FOXN4: variants seen among roughly 807,000 people sequenced by gnomAD.
FOXN4 encodes forkhead box N4.
FOXN4 carries 12 observed loss-of-function variants against 45.0 expected under a neutral mutation model. That is an observed-to-expected ratio of 0.27 (90% CI 0.17 to 0.43). The LOEUF (loss-of-function observed/expected upper bound fraction) is 0.43. FOXN4 is among the 20% of genes least tolerant of loss of function. FOXN4 has a pLI of 1.00. For synonymous variants in FOXN4, 297 were observed against 295.0 expected, an observed-to-expected ratio of 1.01 and a Z score of -0.07; for missense variants, 560 against 694.9, an observed-to-expected ratio of 0.81 and a Z score of 2.18.
chr12:109,298,328 C>T (rs2047836371), intron 2 of FOXN4, among the ~76,000 whole-genome samples: 1 of 136,634 alleles, frequency 7.3e-6, no homozygotes, highest in African/African-American at 2.9e-5. Flanking sequence ...CCTTTTGTTT[C>T]AGGTTTTTTT....
In FOXN4 at chr12:109,281,555, C is replaced by T. The variant is rs138952203; in HGVS notation, c.1146G>A (p.Pro382=). ...TGAGGTCCGGCAGGGCGTGCAGTGG[C>T]GGGGTCTGGGCTGGTGCTGGAGAGT... The part of the protein sequence containing the change: ...APDSPAPAQT[P]PLHALPDLSP... The change falls in exon 9 of 10, where the codon CCG becomes CCA. Residue 382 remains proline (P), a synonymous_variant. Coordinates refer to ENST00000299162, the MANE Select transcript of FOXN4 (RefSeq NM_213596.3). 717 of 1,610,438 alleles carry T rather than the reference C, an allele frequency of 4.5e-4. 3 individuals are homozygous for T. Among genetic ancestry groups the T allele is most frequent in the South Asian group, 2.1e-3 (188 of 90,660 alleles).
rs1389711709 is a variant in FOXN4, at chr12:109,290,168, C to T, written c.205G>A (p.Gly69Ser). 6.4e-7 allele frequency: 1 copy of T among 1,550,808 alleles called. No homozygotes were observed. The highest frequency in any genetic ancestry group is 8.7e-7 in the Non-Finnish European group (1 of 1,146,598). The change falls in exon 3 of 10, where the codon GGC (glycine) becomes AGC (serine). Residue 69 changes from glycine (G) to serine (S), a missense_variant. Around this residue, in one of 5 missense-constraint regions of FOXN4, gnomAD observed 142 missense variants for 185.7 expected, o/e 0.76. Coordinates refer to ENST00000299162, the MANE Select transcript of FOXN4 (RefSeq NM_213596.3). This position sits in a 1 kb window ranked among gnomAD's most constrained non-coding sequence, Gnocchi z 5.1. ...QMASGRVDLG[G>S]PCVPHPHPGA... ...GGGTGTGGATGTGGCACGCAGGGGC[C>T]ACCCAGGTCCACGCGGCCACTTGCC...
At position 109,291,994 on chromosome 12, in the gene FOXN4, G is replaced by A. The variant is rs892888950; in HGVS notation, c.87-1708C>T. Among the ~76,000 whole-genome samples the A allele has an allele frequency of 2.0e-5, 3 of 152,152 alleles. No homozygotes were observed. Among genetic ancestry groups the A allele is most frequent in the Non-Finnish European group, 4.4e-5 (3 of 68,018 alleles). ...GCCTGCTCGTAACTCATCTGGCCAAGTGACAGCCACGGCCCCGGGCCTGGG... is the reference window on the plus strand; with the variant it reads ...GCCTGCTCGTAACTCATCTGGCCAAATGACAGCCACGGCCCCGGGCCTGGG... On this transcript the variant is annotated intron_variant, in intron 2 of 9. Transcript: ENST00000299162. This position sits in a 1 kb window ranked among gnomAD's most constrained non-coding sequence, Gnocchi z 6.6.
At chr12:109,296,303 C>T (rs1325148938) in intron 2 of FOXN4, among the ~76,000 whole-genome samples, 1 of 152,234 alleles carries the variant, frequency 6.6e-6, no homozygotes, top group Non-Finnish European at 1.5e-5. Context: ...CCCCCGTGCT[C>T]TCACTCAGGT....
intron 3 of FOXN4, among the ~76,000 whole-genome samples, chr12:109,289,166 C>G (rs2047743114): frequency 6.6e-6 from 1 of 152,178 alleles, no homozygotes; most frequent in Admixed American, 6.5e-5. Context: ...ATGTGGAAAC[C>G]AGTCAGGGCA....
At chr12:109,303,342 T>C (rs1219752198) in intron 2 of FOXN4, among the ~76,000 whole-genome samples, 2 of 152,216 alleles carry the variant, frequency 1.3e-5, no homozygotes. Flanking sequence ...AGCCACCTGA[T>C]ATGGGTTAAA....
intron 3 of FOXN4, among the ~76,000 whole-genome samples, chr12:109,289,642 C>T (rs997305623): frequency 6.6e-6 from 1 of 152,176 alleles, no homozygotes; most frequent in Non-Finnish European, 1.5e-5. Context: ...CGACTGTGTG[C>T]CAGCCCCTAC....
chr12:109,279,565 G>A lies in FOXN4; in HGVS notation c.*106C>T, dbSNP rs1303015229. On this transcript the variant is annotated 3_prime_UTR_variant, in exon 10 of 10. Coordinates refer to ENST00000299162, the MANE Select transcript of FOXN4 (RefSeq NM_213596.3). Reference sequence around the variant, plus strand: ...CGGCAACTTCGCCACAGGTCCAGGAGAGGCTTCGGGGACAATGAGGGACCT... The same window carrying A: ...CGGCAACTTCGCCACAGGTCCAGGAAAGGCTTCGGGGACAATGAGGGACCT... 2.0e-6 allele frequency: 3 copies of A among 1,489,194 alleles called. No homozygotes were observed. The highest frequency in any genetic ancestry group is 1.8e-6 in the Non-Finnish European group (2 of 1,111,190). 92.2% of individuals were successfully genotyped at this position (1,489,194 alleles called of 1,614,324 possible).
chr12:109,285,188 C>T (rs1361202918), intron 8 of FOXN4, 116 bp downstream of exon 8: 5 of 1,266,620 alleles, frequency 3.9e-6, no homozygotes, highest in African/African-American at 3.1e-5. Flanking sequence ...GCGTATGCAT[C>T]GGCTTCACCA....
At chr12:109,280,636 G>A (rs1166109035) in intron 9 of FOXN4, among the ~76,000 whole-genome samples, 2 of 152,160 alleles carry the variant, frequency 1.3e-5, no homozygotes, top group Non-Finnish European at 2.9e-5. Context: ...AAAGAGGCAG[G>A]GAGGTGCAAA....
chr12:109,279,614 A>G lies in FOXN4; in HGVS notation c.*57T>C, dbSNP rs2047632821. 4 of 1,551,218 alleles carry G rather than the reference A, an allele frequency of 2.6e-6. No individual in the cohort carries two copies. The highest frequency in any genetic ancestry group is 2.6e-6 in the Non-Finnish European group (3 of 1,147,196). On this transcript the variant is annotated 3_prime_UTR_variant, in exon 10 of 10. Coordinates refer to ENST00000299162, the MANE Select transcript of FOXN4 (RefSeq NM_213596.3). Reference sequence around the variant, plus strand: ...CTGCCTTCTGGGAACACCCTGTTCTAGTCAGTTCTCTGCCCAAGCCGGGTG... The same window carrying G: ...CTGCCTTCTGGGAACACCCTGTTCTGGTCAGTTCTCTGCCCAAGCCGGGTG...
At chr12:109,298,004 T>C (rs1183501513) in intron 2 of FOXN4, among the ~76,000 whole-genome samples, 2 of 152,122 alleles carry the variant, frequency 1.3e-5, no homozygotes, top group African/African-American at 4.8e-5. Context: ...TTTTCCATCT[T>C]GATGGAAAAA....
chr12:109,308,266 T>C lies in FOXN4; in HGVS notation c.56A>G (p.Gln19Arg). ...TTCCTGTGGAGAGGGGTGGTGATTT[T>C]GCCCTGAGTTTCGAATAATTCCTGA... is the stretch of plus-strand genomic sequence containing the variant. ...IMSGIIRNSG[Q>R]NHHPSPQEYR... is the part of the protein sequence containing the mutation. Residue 19 changes from glutamine (Q) to arginine (R), a missense_variant, in exon 2 of 10, where the codon CAA (glutamine) becomes CGA (arginine). Around this residue, in one of 5 missense-constraint regions of FOXN4, gnomAD observed 142 missense variants for 185.7 expected, o/e 0.76. Transcript: ENST00000299162. 6.4e-7 allele frequency: 1 copy of C among 1,552,124 alleles called. No individual in the cohort carries two copies. Among genetic ancestry groups the C allele is most frequent in the Non-Finnish European group, 8.7e-7 (1 of 1,147,028 alleles).
intron 2 of FOXN4, among the ~76,000 whole-genome samples, chr12:109,297,141 A>G (rs2047825098): frequency 6.6e-6 from 1 of 152,214 alleles, no homozygotes; most frequent in Non-Finnish European, 1.5e-5. Context: ...ACAGAGGTCA[A>G]CAACCTCCAG....
intron 7 of FOXN4, among the ~76,000 whole-genome samples, chr12:109,285,950 C>T (rs1259443115): frequency 1.3e-5 from 2 of 151,276 alleles, no homozygotes; most frequent in African/African-American, 2.4e-5. Context: ...ACTGCAACCT[C>T]AACCTCCTGG....
intron 2 of FOXN4, among the ~76,000 whole-genome samples, chr12:109,298,705 G>C (rs1475915353): frequency 2.0e-5 from 3 of 152,126 alleles, no homozygotes; most frequent in African/African-American, 4.8e-5. Context: ...ACATTTGTGG[G>C]AGAAACCTGC....
Position 109,288,158 on chromosome 12 carries a change from G to A in FOXN4, c.255C>T (p.Asp85=). ...GACTTGGAGTGGCTCCCACATGCAG[G>A]TCGGCCACCCCAGCCAAGGCACCTG... ...PHPGALAGVA[D]LHVGATPSPL... The change falls in exon 4 of 10, where the codon GAC becomes GAT. Residue 85 remains aspartate (D), a synonymous_variant. Coordinates refer to ENST00000299162, the MANE Select transcript of FOXN4 (RefSeq NM_213596.3). The surrounding 1 kb of genome is among the most constrained non-coding windows in gnomAD (Gnocchi z 4.3). 2 of 1,547,490 alleles carry A rather than the reference G, an allele frequency of 1.3e-6. No homozygotes were observed. The highest frequency in any genetic ancestry group is 1.2e-5 in the South Asian group (1 of 83,706).
Position 109,281,620 on chromosome 12 carries a change from G to T in FOXN4, c.1081C>A (p.Leu361Met). The change falls in exon 9 of 10, where the codon CTG becomes ATG. Residue 361 changes from leucine (L) to methionine (M), a missense_variant. Coordinates refer to ENST00000299162, the MANE Select transcript of FOXN4 (RefSeq NM_213596.3). Reference protein sequence around the residue: ...LMTLSLQSVPLHHQVQPQAHL... With the variant: ...LMTLSLQSVPMHHQVQPQAHL... Reference sequence around the variant, plus strand: ...GCCTGGGGCTGGACCTGGTGGTGCAGGGGGACTGACTGCAGGGACAGGGTC... The same window carrying T: ...GCCTGGGGCTGGACCTGGTGGTGCATGGGGACTGACTGCAGGGACAGGGTC... 6.2e-7 allele frequency: 1 copy of T among 1,610,136 alleles called. No individual in the cohort carries two copies. Among genetic ancestry groups the T allele is most frequent in the South Asian group, 1.1e-5 (1 of 90,402 alleles).
intron 2 of FOXN4, among the ~76,000 whole-genome samples, chr12:109,306,483 G>T (rs1237870537): frequency 1.3e-5 from 2 of 152,218 alleles, no homozygotes; most frequent in Non-Finnish European, 2.9e-5. Flanking sequence ...AGCCAACCTG[G>T]AGGAAGGATG....
Sources: gnomAD v4.1 joint callset for allele counts (sites outside exome capture counted in the v4.1 genomes callset) on GRCh38, gnomAD v4.1.1 for gene constraint, gnomAD v4.1.1 regional missense constraint, Gnocchi (gnomAD v3.1) non-coding constraint, MANE v1.5 for transcripts, NCBI Gene and HGNC (gene_info 2026-07-23, HGNC 2026-07-21) for gene names.